The following SPAG16 variants were observed in gnomAD, a reference collection of about 807,000 sequenced individuals.
SPAG16 encodes sperm associated antigen 16, also known as sperm-associated antigen 16 protein.
In SPAG16, 86 loss-of-function variants were observed where a neutral mutation model predicts 80.4. The observed-to-expected ratio is 1.07, with a 90% CI of 0.90 to 1.28. The LOEUF (loss-of-function observed/expected upper bound fraction) is 1.28. Ranked by LOEUF, SPAG16 falls within the 50% of genes most tolerant of loss-of-function variation. The probability of loss-of-function intolerance (pLI) is 0.00; values close to 1 mark genes in which losing one functional copy is unlikely to be tolerated. For missense variants in SPAG16, 870 were observed against 765.3 expected (o/e 1.14, Z -1.61); for synonymous variants, 294 against 265.9 (o/e 1.11, Z -1.03).
At chr2:213,844,188 CTT>C (rs957291028) in intron 10 of SPAG16, among the ~76,000 whole-genome samples, 1 of 152,160 alleles carries the variant, frequency 6.6e-6, no homozygotes, top group African/African-American at 2.4e-5. Context: ...TTTCCAGTAA[CTT>C]AGCAGCATGA....
At chr2:213,485,153 C>A (rs2073925266) in intron 9 of SPAG16, among the ~76,000 whole-genome samples, 1 of 152,004 alleles carries the variant, frequency 6.6e-6, no homozygotes, top group Admixed American at 6.5e-5. Context: ...AGCCACCATG[C>A]CTGGCTAATT....
chr2:214,286,092 T>C (rs1489056369), intron 15 of SPAG16, among the ~76,000 whole-genome samples: 1 of 152,218 alleles, frequency 6.6e-6, no homozygotes, highest in African/African-American at 2.4e-5. Flanking sequence ...AGATAAATAC[T>C]ACATTATTTA....
At chr2:213,543,953 T>C (rs1277997497) in intron 10 of SPAG16, among the ~76,000 whole-genome samples, 2 of 152,086 alleles carry the variant, frequency 1.3e-5, no homozygotes, top group African/African-American at 2.4e-5. Context: ...TGTTGATCTC[T>C]TTCAAGCCTT....
intron 15 of SPAG16, among the ~76,000 whole-genome samples, chr2:214,213,985 C>A (rs1331327280): frequency 6.6e-6 from 1 of 152,100 alleles, no homozygotes; most frequent in Non-Finnish European, 1.5e-5. Flanking sequence ...TAAGGTGAAA[C>A]TCTATTTATA....
At chr2:214,037,324 G>T (rs2048749118) in intron 13 of SPAG16, among the ~76,000 whole-genome samples, 1 of 151,498 alleles carries the variant, frequency 6.6e-6, no homozygotes, top group African/African-American at 2.4e-5. Flanking sequence ...AGTTATTTTT[G>T]ATTATTTATT....
intron 10 of SPAG16, among the ~76,000 whole-genome samples, chr2:213,601,803 G>T (rs574657912): frequency 6.6e-6 from 1 of 152,302 alleles, no homozygotes; most frequent in Non-Finnish European, 1.5e-5. Context: ...ATACAGGTTT[G>T]CAGTCTGGGA....
intron 10 of SPAG16, among the ~76,000 whole-genome samples, chr2:213,797,266 C>T (rs2071103331): frequency 6.6e-6 from 1 of 151,904 alleles, no homozygotes; most frequent in Non-Finnish European, 1.5e-5. Context: ...TTAGTTTAGC[C>T]TAAGTATATA....
chr2:214,012,399 G>C (rs547859438), intron 12 of SPAG16, among the ~76,000 whole-genome samples: 1 of 147,474 alleles, frequency 6.8e-6, no homozygotes, highest in African/African-American at 2.5e-5. Context: ...AGATTCAAGC[G>C]ATTCTCCTGC....
At chr2:213,479,683 A>G (rs1307202645) in intron 9 of SPAG16, among the ~76,000 whole-genome samples, 1 of 152,202 alleles carries the variant, frequency 6.6e-6, no homozygotes, top group African/African-American at 2.4e-5. Context: ...CAAGACATGC[A>G]TGCATTCCTC....
intron 9 of SPAG16, among the ~76,000 whole-genome samples, chr2:213,395,968 T>C (rs1289848626): frequency 6.6e-6 from 1 of 152,270 alleles, no homozygotes; most frequent in Non-Finnish European, 1.5e-5. Flanking sequence ...GTCTGAAGTA[T>C]CAGCTCTAAC....
chr2:213,420,446 G>A (rs148077213), intron 9 of SPAG16, among the ~76,000 whole-genome samples: 2 of 152,270 alleles, frequency 1.3e-5, no homozygotes, highest in Non-Finnish European at 2.9e-5. Flanking sequence ...AAAAGTTAGT[G>A]CATTATTACT....
intron 13 of SPAG16, among the ~76,000 whole-genome samples, chr2:214,078,086 C>G (rs1409139981): frequency 6.6e-6 from 1 of 151,308 alleles, no homozygotes; most frequent in Non-Finnish European, 1.5e-5. Context: ...TGTGTCCCCT[C>G]TGATTCTTTC....
intron 10 of SPAG16, among the ~76,000 whole-genome samples, chr2:213,597,110 C>A (rs2060909869): frequency 6.6e-6 from 1 of 152,144 alleles, no homozygotes; most frequent in African/African-American, 2.4e-5. Flanking sequence ...GTGACCTTGT[C>A]ACAAAGTTTT....
chr2:214,292,857 T>A (rs1007026208), intron 15 of SPAG16, among the ~76,000 whole-genome samples: 2 of 152,220 alleles, frequency 1.3e-5, no homozygotes, highest in Non-Finnish European at 2.9e-5. Flanking sequence ...GTAGAGAACT[T>A]TGGCCTCAAT....
chr2:213,557,111 A>T (rs953359886), intron 10 of SPAG16, among the ~76,000 whole-genome samples: 1 of 152,146 alleles, frequency 6.6e-6, no homozygotes, highest in African/African-American at 2.4e-5. Flanking sequence ...TTCTCAGTAA[A>T]TAAGTTGTAT....
chr2:214,165,931 A>G (rs182104072), intron 15 of SPAG16, among the ~76,000 whole-genome samples: 109 of 152,228 alleles, frequency 7.2e-4, no homozygotes, highest in Non-Finnish European at 1.3e-3. Context: ...GGCATTGTTC[A>G]TATTAATTAT....
intron 9 of SPAG16, among the ~76,000 whole-genome samples, chr2:213,400,402 G>T (rs978814037): frequency 1.2e-4 from 18 of 152,036 alleles, no homozygotes; most frequent in Non-Finnish European, 2.6e-4. Context: ...TCTTTGTCCT[G>T]TGGCTTATGT....
At chr2:213,628,440 G>C (rs1421306154) in intron 10 of SPAG16, among the ~76,000 whole-genome samples, 2 of 152,086 alleles carry the variant, frequency 1.3e-5, no homozygotes, top group Non-Finnish European at 2.9e-5. Context: ...TATTATCTTT[G>C]TACTTGAAAT....
At chr2:214,226,935 G>A (rs1437716848) in intron 15 of SPAG16, among the ~76,000 whole-genome samples, 1 of 151,888 alleles carries the variant, frequency 6.6e-6, no homozygotes, top group Non-Finnish European at 1.5e-5. Flanking sequence ...TCAGACAACA[G>A]CTAAATTGGA....
Sources: gnomAD v4.1 joint callset for allele counts (sites outside exome capture counted in the v4.1 genomes callset) on GRCh38, gnomAD v4.1.1 for gene constraint, MANE v1.5 for transcripts, NCBI Gene and HGNC (gene_info 2026-07-23, HGNC 2026-07-21) for gene names.